Variants in ZDHHC2 observed in about 807,000 individuals in gnomAD.
ZDHHC2 encodes the protein palmitoyltransferase ZDHHC2.
ZDHHC2 carries 51 observed loss-of-function variants against 55.6 expected under a neutral mutation model. That is an observed-to-expected ratio of 0.92 (90% CI 0.73 to 1.16). The LOEUF (loss-of-function observed/expected upper bound fraction) is 1.16. ZDHHC2 is among the 50% of genes most tolerant of loss of function. The pLI is 0.00. For synonymous variants in ZDHHC2, 199 were observed against 152.9 expected, an observed-to-expected ratio of 1.30 and a Z score of -2.22; for missense variants, 491 against 442.4, an observed-to-expected ratio of 1.11 and a Z score of -0.99.
chr8:17,158,404 C>T (rs890749232), intron 1 of ZDHHC2, among the ~76,000 whole-genome samples: 2 of 152,202 alleles, frequency 1.3e-5, no homozygotes, highest in African/African-American at 4.8e-5. Flanking sequence ...ATAGCCTATT[C>T]TCCTGTATTA....
intron 1 of ZDHHC2, among the ~76,000 whole-genome samples, chr8:17,172,948 C>T (rs557388647): frequency 2.6e-5 from 4 of 152,226 alleles, no homozygotes; most frequent in South Asian, 4.1e-4. Context: ...TGAAATATGG[C>T]CAAATATTTG....
At chr8:17,176,959 T>G (rs529895774) in intron 1 of ZDHHC2, among the ~76,000 whole-genome samples, 24 of 152,276 alleles carry the variant, frequency 1.6e-4, no homozygotes, top group African/African-American at 5.8e-4. Flanking sequence ...CTGAAAATGT[T>G]AACGTGAATA....
chr8:17,182,625 A>C (rs1805489722), intron 1 of ZDHHC2, among the ~76,000 whole-genome samples: 1 of 151,970 alleles, frequency 6.6e-6, no homozygotes, highest in African/African-American at 2.4e-5. Context: ...AATTACATTT[A>C]GGGAAAAGCA....
intron 8 of ZDHHC2, 85 bp from the exon 9 acceptor site, chr8:17,209,847 C>A: frequency 1.4e-6 from 2 of 1,420,272 alleles, no homozygotes; most frequent in South Asian, 1.6e-5. Context: ...AGAGTTTCTT[C>A]ATTTACTTCA....
rs908150567 is a variant in ZDHHC2, at chr8:17,197,738, T to C, written c.443+87T>C. The C allele has an allele frequency of 3.3e-5, 46 of 1,379,404 alleles. 1 individual carries two copies. Among genetic ancestry groups the C allele is most frequent in the Non-Finnish European group, 4.5e-5 (44 of 980,922 alleles). 85.4% of individuals were successfully genotyped at this position (1,379,404 alleles called of 1,614,324 possible). ...TCTTTTCTCACTGTTTTCCTGATTATCTTCTCCATATTCTCGCTTCTCAGC... is the reference window on the plus strand; with the variant it reads ...TCTTTTCTCACTGTTTTCCTGATTACCTTCTCCATATTCTCGCTTCTCAGC... On this transcript the variant is annotated intron_variant, in intron 5 of 12. Transcript: ENST00000262096.
chr8:17,219,116 G>T (rs745801185), intron 12 of ZDHHC2, among the ~76,000 whole-genome samples: 1 of 151,748 alleles, frequency 6.6e-6, no homozygotes, highest in Admixed American at 6.6e-5. Context: ...CGGATGTGGT[G>T]TGGCGCACCT....
chr8:17,156,635 TCCAGCCAGGGGTGCCGGGCCCGC>T lies in ZDHHC2; in HGVS notation c.-82_-60del. 1 of 1,040,354 alleles carries T rather than the reference TCCAGCCAGGGGTGCCGGGCCCGC, an allele frequency of 9.6e-7. No homozygotes were observed. The highest frequency in any genetic ancestry group is 4.4e-4 in the Middle Eastern group (1 of 2,296). The allele number at this position is 1,040,354 out of a possible 1,614,324, so 64.4% of individuals were successfully genotyped here. On this transcript the variant is annotated 5_prime_UTR_variant, in exon 1 of 13. Transcript: ENST00000262096. ...CACCCCGCCGCCGCCCAGGAGCCCG[TCCAGCCAGGGGTGCCGGGCCCGC>T]CCAGCCCGCCCCGGAGCCAGGCCCG...
intron 6 of ZDHHC2, among the ~76,000 whole-genome samples, chr8:17,199,639 T>C (rs1585713436): frequency 3.8e-5 from 1 of 26,218 alleles, no homozygotes; most frequent in Non-Finnish European, 1.5e-4. Flanking sequence ...CTTCTTCTTC[T>C]CCTCCTCCTC....
intron 11 of ZDHHC2, among the ~76,000 whole-genome samples, chr8:17,215,733 C>T (rs1213314457): frequency 2.0e-5 from 3 of 152,100 alleles, no homozygotes; most frequent in South Asian, 2.1e-4. Flanking sequence ...TCTTTTACTC[C>T]AAGATTTCTG....
intron 6 of ZDHHC2, among the ~76,000 whole-genome samples, chr8:17,199,799 G>A (rs528940559): frequency 2.0e-4 from 27 of 133,662 alleles, no homozygotes; most frequent in South Asian, 9.2e-4. Flanking sequence ...TCGCTCTGTC[G>A]CCCAGGCTGG....
In ZDHHC2 at chr8:17,196,829, T is replaced by G. The variant is rs187299249; in HGVS notation, c.374-753T>G. Among the ~76,000 whole-genome samples, 1,024 of 151,930 alleles carry G rather than the reference T, an allele frequency of 6.7e-3. 10 individuals carry two copies. Among genetic ancestry groups the G allele is most frequent in the African/African-American group, 0.022 (931 of 41,418 alleles). ...AGGAGGCTGAGGTGGGAGAATTGCT[T>G]GAACTCAGGAGGCAGAGGCTACAGT... is the stretch of plus-strand genomic sequence containing the variant. On this transcript the variant is annotated intron_variant, in intron 4 of 12. Transcript: ENST00000262096.
chr8:17,171,127 CTG>C (rs1804832641), intron 1 of ZDHHC2, among the ~76,000 whole-genome samples: 1 of 151,796 alleles, frequency 6.6e-6, no homozygotes, highest in Non-Finnish European at 1.5e-5. Context: ...AGAAGGGAAT[CTG>C]GAATTGGAAA....
chr8:17,215,136 T>A (rs1807587915), intron 10 of ZDHHC2, 101 bp from the exon 11 acceptor site: 1 of 947,230 alleles, frequency 1.1e-6, no homozygotes, highest in Non-Finnish European at 1.6e-6. Flanking sequence ...TGCATCATCT[T>A]GCATTGCAAG....
intron 12 of ZDHHC2, among the ~76,000 whole-genome samples, chr8:17,218,824 C>T (rs908462067): frequency 2.0e-5 from 3 of 152,090 alleles, no homozygotes; most frequent in African/African-American, 4.8e-5. Flanking sequence ...CTTAAACTTT[C>T]CCTAAAGTAG....
intron 1 of ZDHHC2, among the ~76,000 whole-genome samples, chr8:17,174,822 C>A (rs948625235): frequency 2.0e-5 from 3 of 151,428 alleles, no homozygotes; most frequent in Non-Finnish European, 2.9e-5. Flanking sequence ...GGGATCCTCC[C>A]ACCTCAGCCT....
intron 10 of ZDHHC2, among the ~76,000 whole-genome samples, chr8:17,210,832 C>T (rs1807345877): frequency 6.6e-6 from 1 of 152,114 alleles, no homozygotes; most frequent in South Asian, 2.1e-4. Context: ...CGCCCCTGAC[C>T]CACCATATCT....
chr8:17,169,677 G>C (rs137959594), intron 1 of ZDHHC2, among the ~76,000 whole-genome samples: 2 of 152,114 alleles, frequency 1.3e-5, no homozygotes, highest in African/African-American at 4.8e-5. Flanking sequence ...GAAGAGCAAG[G>C]TTTCTGTTTT....
chr8:17,160,897 G>T (rs1167920906), intron 1 of ZDHHC2, among the ~76,000 whole-genome samples: 1 of 152,220 alleles, frequency 6.6e-6, no homozygotes, highest in African/African-American at 2.4e-5. Flanking sequence ...TGGCCCTTGG[G>T]CAAAAGTTTG....
intron 9 of ZDHHC2, 38 bp downstream of exon 9, chr8:17,210,096 G>A (rs947414102): frequency 1.3e-6 from 2 of 1,560,476 alleles, no homozygotes; most frequent in Admixed American, 3.9e-5. Context: ...TTAAACTAAT[G>A]AAAATAATAC....
Sources: gnomAD v4.1 joint callset for allele counts (sites outside exome capture counted in the v4.1 genomes callset) on GRCh38, gnomAD v4.1.1 for gene constraint, MANE v1.5 for transcripts, NCBI Gene and HGNC (gene_info 2026-07-23, HGNC 2026-07-21) for gene names.